Variants in VCAN observed in about 807,000 individuals in gnomAD.
VCAN encodes versican, also known as versican core protein.
In VCAN, 44 loss-of-function variants were observed where a neutral mutation model predicts 245.5. The observed-to-expected ratio is 0.18, with a 90% CI of 0.14 to 0.23. The LOEUF is 0.23. VCAN is among the 10% of genes least tolerant of loss of function. The pLI, the probability that VCAN is intolerant of heterozygous loss-of-function variation, is 1.00. For synonymous variants in VCAN, 1,413 were observed against 1,437.0 expected (o/e 0.98, Z 0.38); for missense variants, 3,793 against 4,057.9 (o/e 0.93, Z 1.77).
chr5:83,503,580 T>TAGTTTATAAGAACTGATTTTCAGACCAAA, intron 5 of VCAN, among the ~76,000 whole-genome samples: 1 of 152,226 alleles, frequency 6.6e-6, no homozygotes, highest in Admixed American at 6.5e-5. Context: ...AATTATGAAT[T>TAGTTTATAAGAACTGATTTTCAGACCAAA]AGTTTATAAG....
chr5:83,495,395 A>G (rs1479283104), intron 5 of VCAN, among the ~76,000 whole-genome samples: 2 of 152,236 alleles, frequency 1.3e-5, no homozygotes, highest in East Asian at 3.8e-4. Context: ...TATTTTCACT[A>G]TCACTGAAGA....
At chr5:83,492,319 A>C (rs1446773199) in intron 3 of VCAN, among the ~76,000 whole-genome samples, 1 of 152,220 alleles carries the variant, frequency 6.6e-6, no homozygotes, top group Non-Finnish European at 1.5e-5. Flanking sequence ...TACTAGGGAT[A>C]AGAAGAGTGG....
At chr5:83,493,331 G>A (rs1224526861) in intron 3 of VCAN, among the ~76,000 whole-genome samples, 1 of 152,162 alleles carries the variant, frequency 6.6e-6, no homozygotes, top group East Asian at 1.9e-4. Context: ...GAAATTTTCT[G>A]GTGGAGCAGA....
intron 12 of VCAN, among the ~76,000 whole-genome samples, chr5:83,557,030 C>T (rs565031432): frequency 6.6e-6 from 1 of 152,094 alleles, no homozygotes; most frequent in South Asian, 2.1e-4. Context: ...CTGGCATGCC[C>T]AGGACTCAGC....
At chr5:83,487,340 G>A (rs75477635) in intron 2 of VCAN, among the ~76,000 whole-genome samples, 1 of 152,048 alleles carries the variant, frequency 6.6e-6, no homozygotes, top group African/African-American at 2.4e-5. Context: ...AGGGGTAATT[G>A]GTTATTCATT....
chr5:83,493,402 T>C (rs759419409), intron 3 of VCAN, 144 bp from the exon 4 acceptor site: 114 of 1,126,598 alleles, frequency 1.0e-4, no homozygotes, highest in Non-Finnish European at 1.3e-4. Context: ...TTTTGCATAA[T>C]GCTGCATGAA....
rs1283894616 is a variant in VCAN, at chr5:83,521,176, A to G, written c.2870A>G (p.Tyr957Cys). 6.2e-7 allele frequency: 1 copy of G among 1,613,558 alleles called. No individual in the cohort carries two copies. The highest frequency in any genetic ancestry group is 8.5e-7 in the Non-Finnish European group (1 of 1,179,592). ...SEVEGLAFVS[Y>C]SSTQEPTTYV... ...GTGGAAGGATTAGCATTTGTTAGTT[A>G]TAGTAGCACCCAAGAGCCTACTACT... The change falls in exon 7 of 15, where the codon TAT (tyrosine) becomes TGT (cysteine). Residue 957 changes from tyrosine (Y) to cysteine (C), a missense_variant. Tyr to Cys is a radical substitution (Grantham distance 194). Transcript: ENST00000265077.
rs150735474 is a variant in VCAN, at chr5:83,519,764, G to A, written c.1458G>A (p.Ser486=). 6.5e-4 allele frequency: 1,048 copies of A among 1,614,060 alleles called. 5 individuals carry two copies. In the African/African-American group the frequency reaches 0.012, roughly 19 times the overall value. Residue 486 remains serine (S), a synonymous_variant, in exon 7 of 15, where the codon TCG becomes TCA. Transcript: ENST00000265077. ...GVVEDKQTQE[S]VTQIEQIEVG... ...TGGAAGATAAACAAACACAAGAATCGGTTACACAGATTGAACAAATAGAAG... is the reference window on the plus strand; with the variant it reads ...TGGAAGATAAACAAACACAAGAATCAGTTACACAGATTGAACAAATAGAAG...
At chr5:83,547,826 C>G (rs1314672352) in intron 9 of VCAN, 145 bp from the exon 10 acceptor site, 3 of 717,254 alleles carry the variant, frequency 4.2e-6, no homozygotes, top group Non-Finnish European at 5.0e-6. Flanking sequence ...CACGGACATA[C>G]TTATGCTAAC....
chr5:83,547,924 TGATACTTTTTGAAA>T (rs766613043), intron 9 of VCAN, 33 bp from the exon 10 acceptor site: 1 of 1,332,380 alleles, frequency 7.5e-7, no homozygotes, highest in South Asian at 1.2e-5. Flanking sequence ...TGGAATTCTT[TGATACTTTTTGAAA>T]GTATTTTGTG....
At chr5:83,490,018 C>T (rs1425002892) in intron 2 of VCAN, 80 bp from the exon 3 acceptor site, 13 of 1,481,242 alleles carry the variant, frequency 8.8e-6, no homozygotes, top group Admixed American at 7.0e-5. Flanking sequence ...ATTATAAAGG[C>T]TGCTTATCCA....
intron 10 of VCAN, among the ~76,000 whole-genome samples, chr5:83,550,593 T>C (rs1184961108): frequency 6.6e-6 from 1 of 151,886 alleles, no homozygotes; most frequent in Non-Finnish European, 1.5e-5. Flanking sequence ...TCATGAATAA[T>C]AAAATTTAAG....
intron 7 of VCAN, among the ~76,000 whole-genome samples, chr5:83,525,489 G>C (rs1156573802): frequency 1.3e-5 from 2 of 151,800 alleles, no homozygotes. Context: ...CTGACAAACA[G>C]GTATTTTTAA....
Position 83,512,242 on chromosome 5 carries a change from C to T in VCAN, c.888C>T (p.Tyr296=), listed in dbSNP as rs1240096785. The T allele has an allele frequency of 2.0e-5, 32 of 1,614,130 alleles. No individual in the cohort carries two copies. Among genetic ancestry groups the T allele is most frequent in the Admixed American group, 6.7e-5 (4 of 60,022 alleles). ...GGAACGGCTTTGACCAGTGCGATTA[C>T]GGGTGGCTGTCGGATGCCAGCGTGC... is the stretch of plus-strand genomic sequence containing the variant. ...AWRNGFDQCD[Y]GWLSDASVRH... Residue 296 remains tyrosine (Y), a synonymous_variant, in exon 6 of 15, where the codon TAC becomes TAT. Coordinates refer to ENST00000265077, the MANE Select transcript of VCAN (RefSeq NM_004385.5).
At chr5:83,493,766 A>G (rs1745059940) in intron 4 of VCAN, 38 bp from the exon 5 acceptor site, 2 of 1,614,060 alleles carry the variant, frequency 1.2e-6, no homozygotes, top group African/African-American at 1.3e-5. Context: ...CTTGAGAGTG[A>G]GAAGAAAGTG....
At position 83,500,465 on chromosome 5, in the gene VCAN, C is replaced by T. The variant is rs75210086; in HGVS notation, c.748+6534C>T. 8.2e-3 allele frequency among the ~76,000 whole-genome samples: 1,243 copies of T among 152,132 alleles called. 9 individuals are homozygous for T. The highest frequency in any genetic ancestry group is 0.027 in the African/African-American group (1,122 of 41,524). ...GATGTCCTTATACAGTGTAGTGACT[C>T]CAGTAAGATTGAGTGTGAGGTAGTT... On this transcript the variant is annotated intron_variant, in intron 5 of 14. Coordinates refer to ENST00000265077, the MANE Select transcript of VCAN (RefSeq NM_004385.5).
rs552384072 is a variant in VCAN, at chr5:83,491,619, G to A, written c.445+1147G>A. Among the ~76,000 whole-genome samples the A allele has an allele frequency of 6.6e-5, 10 of 152,036 alleles. No individual in the cohort carries two copies. The East Asian group carries it at 1.7e-3, about 26-fold the overall frequency. On this transcript the variant is annotated intron_variant, in intron 3 of 14. Transcript: ENST00000265077. Reference sequence around the variant, plus strand: ...GTATCACTTTTTAAAATCCCCAAAGGAGTTTAACAACTTCTTACCATTTTT... The same window carrying A: ...GTATCACTTTTTAAAATCCCCAAAGAAGTTTAACAACTTCTTACCATTTTT...
chr5:83,546,450 A>G (rs1747223738), intron 9 of VCAN, among the ~76,000 whole-genome samples: 1 of 152,064 alleles, frequency 6.6e-6, no homozygotes, highest in Admixed American at 6.6e-5. Flanking sequence ...TTCATATTAA[A>G]AGAGTACTTA....
intron 11 of VCAN, among the ~76,000 whole-genome samples, chr5:83,554,435 C>T (rs1747586794): frequency 6.6e-6 from 1 of 152,062 alleles, no homozygotes. Context: ...AGTGACTCAC[C>T]TCATGGTAAA....
Sources: gnomAD v4.1 joint callset for allele counts (sites outside exome capture counted in the v4.1 genomes callset) on GRCh38, gnomAD v4.1.1 for gene constraint, MANE v1.5 for transcripts, NCBI Gene and HGNC (gene_info 2026-07-23, HGNC 2026-07-21) for gene names.